ZNF385D: variants seen among roughly 807,000 people sequenced by gnomAD.
ZNF385D encodes the protein zinc finger protein 385D.
ZNF385D carries 15 observed loss-of-function variants against 35.8 expected under a neutral mutation model. The ratio of observed to expected loss-of-function variants is 0.42; its 90% CI spans 0.28 to 0.64. The LOEUF (loss-of-function observed/expected upper bound fraction) is 0.64, where lower values mean the gene tolerates loss of function less well. Among genes scored for constraint, ZNF385D ranks in the 30% least tolerant of loss-of-function variants. The pLI, the probability that ZNF385D is intolerant of heterozygous loss-of-function variation, is 0.23. For synonymous variants in ZNF385D, 212 were observed against 186.8 expected (o/e 1.13, Z -1.10); for missense variants, 474 against 494.6 (o/e 0.96, Z 0.39).
chr3:22,353,506 G>T (rs1280224747), intron 2 of ZNF385D, among the ~76,000 whole-genome samples: 1 of 152,230 alleles, frequency 6.6e-6, no homozygotes, highest in Admixed American at 6.5e-5. Context: ...TGATATAATT[G>T]CTTGCTATGT....
chr3:21,444,028 T>C (rs1034286737), intron 4 of ZNF385D, among the ~76,000 whole-genome samples: 5 of 151,724 alleles, frequency 3.3e-5, no homozygotes, highest in African/African-American at 1.2e-4. Flanking sequence ...TAATGAAAAA[T>C]ATTAAGGCAG....
chr3:21,427,349 T>C (rs80189283), intron 5 of ZNF385D, among the ~76,000 whole-genome samples: 1,968 of 152,310 alleles, frequency 0.013, 111 homozygotes, highest in Admixed American at 0.096. Context: ...AGTTTATGAA[T>C]GCCTAAGAAG....
chr3:21,802,456 G>A (rs2072448877), intron 3 of ZNF385D, among the ~76,000 whole-genome samples: 1 of 152,118 alleles, frequency 6.6e-6, no homozygotes, highest in African/African-American at 2.4e-5. Flanking sequence ...ATAAAGCACT[G>A]TGTAAGTAAC....
At chr3:21,421,866 C>T (rs564705977) in intron 7 of ZNF385D, among the ~76,000 whole-genome samples, 15 of 152,220 alleles carry the variant, frequency 9.9e-5, no homozygotes, top group African/African-American at 3.6e-4. Context: ...AGGGTGTAAC[C>T]TGGGTTACAT....
At chr3:21,908,402 C>A (rs1559743903) in intron 3 of ZNF385D, among the ~76,000 whole-genome samples, 1 of 152,058 alleles carries the variant, frequency 6.6e-6, no homozygotes. Context: ...ACTATTCATT[C>A]ATACCAAAAA....
intron 3 of ZNF385D, among the ~76,000 whole-genome samples, chr3:21,930,422 TAAAG>T (rs1476201201): frequency 2.0e-5 from 3 of 151,692 alleles, no homozygotes; most frequent in Admixed American, 6.6e-5. Context: ...AGCAACAAAA[TAAAG>T]AAATAGATAC....
chr3:21,517,992 T>C (rs1707684541), intron 3 of ZNF385D, among the ~76,000 whole-genome samples: 1 of 152,120 alleles, frequency 6.6e-6, no homozygotes, highest in South Asian at 2.1e-4. Flanking sequence ...AACCAGAAAC[T>C]GAGAGGGAGG....
chr3:21,751,345 A>G (rs1321822840), upstream of ZNF385D: 6 of 1,044,850 alleles, frequency 5.7e-6, no homozygotes, highest in Non-Finnish European at 6.9e-6. Flanking sequence ...GAGACTTGGG[A>G]AGGGGCGGAG....
At chr3:22,089,076 A>G (rs563363489) in intron 3 of ZNF385D, among the ~76,000 whole-genome samples, 3 of 152,318 alleles carry the variant, frequency 2.0e-5, no homozygotes, top group Admixed American at 6.5e-5. Context: ...AATAACCAAG[A>G]AAAAGATACA....
chr3:22,031,432 G>A (rs141372346), intron 3 of ZNF385D, among the ~76,000 whole-genome samples: 4 of 152,134 alleles, frequency 2.6e-5, no homozygotes, highest in Non-Finnish European at 5.9e-5. Flanking sequence ...CTGCACACCC[G>A]TAGACCCAAC....
At chr3:21,831,230 C>T (rs1200785354) in intron 3 of ZNF385D, among the ~76,000 whole-genome samples, 1 of 151,998 alleles carries the variant, frequency 6.6e-6, no homozygotes, top group Non-Finnish European at 1.5e-5. Context: ...TCATTCCCTT[C>T]AAAATTTAAC....
chr3:22,241,237 C>T (rs988567129), intron 2 of ZNF385D, among the ~76,000 whole-genome samples: 2 of 151,192 alleles, frequency 1.3e-5, no homozygotes, highest in Non-Finnish European at 2.9e-5. Flanking sequence ...AAGCACAACA[C>T]TGAAAGAAAG....
intron 3 of ZNF385D, among the ~76,000 whole-genome samples, chr3:21,808,246 C>T (rs1482002764): frequency 3.3e-5 from 5 of 152,152 alleles, no homozygotes; most frequent in Admixed American, 3.3e-4. Context: ...AATTAAATTA[C>T]ATAAATAACA....
intron 3 of ZNF385D, chr3:21,511,491 C>G (rs1206709396): frequency 5.6e-6 from 2 of 355,892 alleles, no homozygotes; most frequent in Non-Finnish European, 5.5e-6. Flanking sequence ...AAGGTTCACA[C>G]AAAACAGGGG....
Position 21,424,054 on chromosome 3 carries a change from C to T in ZNF385D, c.863G>A (p.Ser288Asn). 1 of 1,591,318 alleles carries T rather than the reference C, an allele frequency of 6.3e-7. No individual in the cohort carries two copies. Among genetic ancestry groups the T allele is most frequent in the Non-Finnish European group, 8.5e-7 (1 of 1,172,576 alleles). Residue 288 changes from serine to asparagine, a missense_variant, in exon 7 of 8, where the codon AGT (serine) becomes AAT (asparagine). Physicochemically the swap from Ser to Asn is conservative, Grantham distance 46 (BLOSUM62 1). Coordinates refer to ENST00000281523, the MANE Select transcript of ZNF385D (RefSeq NM_024697.3). Reference protein sequence around the residue: ...SETQLKQHISSRRHKDRAAGK... With the variant: ...SETQLKQHISNRRHKDRAAGK... ...AGCAGCTCTGTCTTTGTGCCTTCTA[C>T]TGCTAATGTGCTATTAAAAGTAATT...
intron 3 of ZNF385D, among the ~76,000 whole-genome samples, chr3:21,558,886 C>A (rs573837047): frequency 6.6e-6 from 1 of 151,272 alleles, no homozygotes; most frequent in Admixed American, 6.6e-5. Flanking sequence ...GTTAGCTCTT[C>A]TTGTTGTATT....
At chr3:21,451,555 T>G (rs563605327) in intron 4 of ZNF385D, among the ~76,000 whole-genome samples, 4 of 152,246 alleles carry the variant, frequency 2.6e-5, no homozygotes, top group Admixed American at 1.3e-4. Context: ...TAGAGATCCT[T>G]ATTCTAAACA....
At chr3:21,656,517 C>T (rs1180443631) in intron 2 of ZNF385D, among the ~76,000 whole-genome samples, 2 of 151,880 alleles carry the variant, frequency 1.3e-5, no homozygotes, top group East Asian at 3.9e-4. Flanking sequence ...GGACACCAGT[C>T]ATAATGAATT....
chr3:21,552,910 G>A (rs1301264205), intron 3 of ZNF385D, among the ~76,000 whole-genome samples: 3 of 152,210 alleles, frequency 2.0e-5, no homozygotes, highest in Admixed American at 1.3e-4. Context: ...GAATTACCCA[G>A]GTTGGCCCTT....
Sources: gnomAD v4.1 joint callset for allele counts (sites outside exome capture counted in the v4.1 genomes callset) on GRCh38, gnomAD v4.1.1 for gene constraint, MANE v1.5 for transcripts, NCBI Gene and HGNC (gene_info 2026-07-23, HGNC 2026-07-21) for gene names.